Variants in ELAC1 observed in about 807,000 individuals in gnomAD.
The protein encoded by ELAC1 is zinc phosphodiesterase ELAC protein 1.
In ELAC1, 19 loss-of-function variants were observed where a neutral mutation model predicts 25.8. The observed-to-expected ratio is 0.74, with a 90% CI of 0.51 to 1.08. The LOEUF (loss-of-function observed/expected upper bound fraction) is 1.08. Among genes scored for constraint, ELAC1 ranks in the 50% least tolerant of loss-of-function variants. The probability of loss-of-function intolerance (pLI) is 0.00; values close to 1 mark genes in which losing one functional copy is unlikely to be tolerated. For missense variants in ELAC1, 403 were observed against 434.6 expected (o/e 0.93, Z 0.65); for synonymous variants, 148 against 160.9 (o/e 0.92, Z 0.61).
At chr18:50,983,435 G>T (rs1263945651) in intron 2 of ELAC1, among the ~76,000 whole-genome samples, 1 of 151,938 alleles carries the variant, frequency 6.6e-6, no homozygotes, top group African/African-American at 2.4e-5. Context: ...AAAGTGCTGG[G>T]ATTACAGGCG....
At chr18:50,970,813 AC>A (rs960420181) in intron 1 of ELAC1, among the ~76,000 whole-genome samples, 108 of 151,332 alleles carry the variant, frequency 7.1e-4, no homozygotes, top group African/African-American at 2.6e-3. Context: ...CACAGCCCCC[AC>A]CCCATCACTT....
In ELAC1 at chr18:50,984,174, G is replaced by A; in HGVS notation, c.236G>A (p.Ser79Asn). The A allele has an allele frequency of 1.2e-6, 2 of 1,614,092 alleles. No individual in the cohort carries two copies. The highest frequency in any genetic ancestry group is 1.7e-6 in the Non-Finnish European group (2 of 1,179,994). The change falls in exon 3 of 4, where the codon AGC becomes AAC. Residue 79 changes from serine to asparagine, a missense_variant. Transcript: ENST00000269466. The part of the protein sequence containing the change: ...FGLPGLLCTI[S>N]LQSGSMVSKQ... The stretch of plus-strand genomic sequence containing the variant: ...CTTCCTGGGCTCCTCTGCACAATCA[G>A]CCTGCAGAGTGGCTCCATGGTGTCC...
At chr18:50,980,033 A>G (rs1327275628) in intron 2 of ELAC1, among the ~76,000 whole-genome samples, 1 of 152,176 alleles carries the variant, frequency 6.6e-6, no homozygotes, top group Non-Finnish European at 1.5e-5. Context: ...CCCAGTCTAT[A>G]TAGGATTTAA....
chr18:50,979,258 G>A (rs1907876978), intron 2 of ELAC1, among the ~76,000 whole-genome samples: 1 of 152,152 alleles, frequency 6.6e-6, no homozygotes, highest in Non-Finnish European at 1.5e-5. Flanking sequence ...TGTAGGTTAG[G>A]GAGTTCGGGC....
At chr18:50,969,534 C>T (rs1907592856) in intron 1 of ELAC1, 1 of 152,190 alleles carries the variant, frequency 6.6e-6, no homozygotes, top group Admixed American at 6.5e-5. Flanking sequence ...GGAATGCCAG[C>T]AAATACATGC....
chr18:50,981,748 C>T (rs573349876), intron 2 of ELAC1, among the ~76,000 whole-genome samples: 1 of 151,148 alleles, frequency 6.6e-6, no homozygotes. Context: ...TTCAGTTTGG[C>T]TTTGTTTTAG....
At chr18:50,983,155 GTTTTTTT>G (rs552455433) in intron 2 of ELAC1, among the ~76,000 whole-genome samples, 1 of 60,862 alleles carries the variant, frequency 1.6e-5, no homozygotes, top group African/African-American at 6.3e-5. Context: ...TTTACTTGGT[GTTTTTTT>G]TTTTTTTTTT....
chr18:50,979,174 A>G (rs1327914191), intron 2 of ELAC1, among the ~76,000 whole-genome samples: 2 of 152,242 alleles, frequency 1.3e-5, no homozygotes, highest in Admixed American at 6.5e-5. Context: ...TGTGTTAGTT[A>G]TCTGATACTA....
chr18:50,976,550 A>G (rs1389923747), intron 2 of ELAC1, among the ~76,000 whole-genome samples: 2 of 152,152 alleles, frequency 1.3e-5, no homozygotes, highest in Non-Finnish European at 2.9e-5. Context: ...CCTGCCCCCC[A>G]TGATTCAATT....
chr18:50,984,089 T>A lies in ELAC1; in HGVS notation c.158-7T>A. On this transcript the variant is annotated splice_region_variant and splice_polypyrimidine_tract_variant and intron_variant, in intron 2 of 3. Coordinates refer to ENST00000269466, the MANE Select transcript of ELAC1 (RefSeq NM_018696.3). Reference sequence around the variant, plus strand: ...TTCCAAACGTATTTCTCTATCTCAATCAAAAGGGAGAATTACCAAGATCTT... The same window carrying A: ...TTCCAAACGTATTTCTCTATCTCAAACAAAAGGGAGAATTACCAAGATCTT... The A allele has an allele frequency of 6.4e-7, 1 of 1,562,322 alleles. No homozygotes were observed. The highest frequency in any genetic ancestry group is 8.7e-7 in the Non-Finnish European group (1 of 1,155,298).
At chr18:50,975,603 C>T (rs1216412023) in intron 2 of ELAC1, among the ~76,000 whole-genome samples, 1 of 151,586 alleles carries the variant, frequency 6.6e-6, no homozygotes, top group Non-Finnish European at 1.5e-5. Flanking sequence ...ATGGATAAGA[C>T]GTTTAGCAAC....
chr18:50,968,499 C>T (rs1379293541), intron 1 of ELAC1: 2 of 152,326 alleles, frequency 1.3e-5, no homozygotes, highest in East Asian at 3.8e-4. Context: ...TTGACACTGC[C>T]TGCCTGAAAA....
rs1419769552 is a variant in ELAC1, at chr18:50,974,524, A to T, written c.120A>T (p.Gly40=). 1.9e-6 allele frequency: 3 copies of T among 1,613,674 alleles called. No individual in the cohort carries two copies. Among genetic ancestry groups the T allele is most frequent in the Non-Finnish European group, 2.5e-6 (3 of 1,179,848 alleles). Residue 40 remains glycine, a synonymous_variant, in exon 2 of 4, where the codon GGA becomes GGT. Coordinates refer to ENST00000269466, the MANE Select transcript of ELAC1 (RefSeq NM_018696.3). ...GECWLFDCGE[G]TQTQLMKSQL... is the part of the protein sequence containing the mutation. The stretch of plus-strand genomic sequence containing the variant: ...GCTGGCTCTTTGACTGTGGGGAGGG[A>T]ACACAGACACAGCTTATGAAAAGCC...
chr18:50,976,544 C>T (rs1230724064), intron 2 of ELAC1, among the ~76,000 whole-genome samples: 4 of 152,096 alleles, frequency 2.6e-5, no homozygotes, highest in Non-Finnish European at 1.5e-5. Context: ...AGAGAACCTG[C>T]CCCCCATGAT....
Position 50,986,627 on chromosome 18 carries a change from C to T in ELAC1, c.634C>T (p.Pro212Ser). The change falls in exon 4 of 4, where the codon CCA (proline) becomes TCA (serine). Residue 212 changes from proline to serine, a missense_variant. Coordinates refer to ENST00000269466, the MANE Select transcript of ELAC1 (RefSeq NM_018696.3). ...TCTGCCTTCATCATTAGGTGTTCCA[C>T]CAGGTCCTGCCTATGGGAAGCTGAA... is the stretch of plus-strand genomic sequence containing the variant. ...AQKLKDLGVP[P>S]GPAYGKLKNG... is the part of the protein sequence containing the mutation. The T allele has an allele frequency of 6.2e-7, 1 of 1,607,302 alleles. No individual in the cohort carries two copies. The highest frequency in any genetic ancestry group is 8.5e-7 in the Non-Finnish European group (1 of 1,175,936).
In ELAC1 at chr18:50,984,275, G is replaced by T. The variant is rs1303958684; in HGVS notation, c.337G>T (p.Glu113Ter). ...GCGAACCATGGAACTCTCTCACACG[G>T]AGCTGGTCTTCCATTATGTGGTTCA... is the stretch of plus-strand genomic sequence containing the variant. ...IWRTMELSHTELVFHYVVHEL... is the reference protein window; with the variant it reads ...IWRTMELSHT The change falls in exon 3 of 4, where the codon GAG (glutamate) becomes TAG (stop). Residue 113 changes from glutamate to a stop codon, truncating the protein, a stop_gained. Coordinates refer to ENST00000269466, the MANE Select transcript of ELAC1 (RefSeq NM_018696.3). LOFTEE classifies it high-confidence loss of function. The T allele has an allele frequency of 6.2e-7, 1 of 1,614,074 alleles. No individual in the cohort carries two copies. Among genetic ancestry groups the T allele is most frequent in the Non-Finnish European group, 8.5e-7 (1 of 1,180,044 alleles).
At chr18:50,971,896 ATGTGTG>A (rs370758383) in intron 1 of ELAC1, among the ~76,000 whole-genome samples, 1,434 of 127,948 alleles carry the variant, frequency 0.011, 39 homozygotes, top group African/African-American at 0.045. Context: ...ATATGTATAT[ATGTGTG>A]TGTGTGTGTG....
intron 1 of ELAC1, chr18:50,968,986 T>C (rs556196462): frequency 1.3e-5 from 2 of 152,374 alleles, no homozygotes; most frequent in South Asian, 4.1e-4. Flanking sequence ...CCCACTGTAG[T>C]ATTTTGAAGC....
Position 50,974,549 on chromosome 18 carries a change from C to A in ELAC1, c.145C>A (p.Gln49Lys), listed in dbSNP as rs1054076027. ...EGTQTQLMKS[Q>K]LKAGRITKIF... is the part of the protein sequence containing the mutation. ...AACACAGACACAGCTTATGAAAAGC[C>A]AACTTAAAGCAGGTTAGTGTGCCTT... The change falls in exon 2 of 4, where the codon CAA becomes AAA. Residue 49 changes from glutamine to lysine, a missense_variant. Coordinates refer to ENST00000269466, the MANE Select transcript of ELAC1 (RefSeq NM_018696.3). The A allele has an allele frequency of 6.2e-7, 1 of 1,613,872 alleles. No individual in the cohort carries two copies. The highest frequency in any genetic ancestry group is 8.5e-7 in the Non-Finnish European group (1 of 1,179,924).
Sources: allele counts gnomAD v4.1 joint callset (sites outside exome capture counted in the v4.1 genomes callset), GRCh38; gene constraint gnomAD v4.1.1; transcripts MANE v1.5; gene names NCBI Gene and HGNC (gene_info 2026-07-23, HGNC 2026-07-21).